Variants in CDH22 observed in about 807,000 individuals in gnomAD.
CDH22 encodes cadherin-22.
Under a neutral mutation model 58.4 loss-of-function variants are expected in CDH22, and 30 were observed. The ratio of observed to expected loss-of-function variants is 0.51; its 90% confidence interval spans 0.38 to 0.70. The LOEUF is 0.70. Among genes scored for constraint, CDH22 ranks in the 30% least tolerant of loss-of-function variants. CDH22 has a pLI of 0.00. For missense variants in CDH22, 1,014 were observed against 1,233.9 expected, an observed-to-expected ratio of 0.82 and a Z score of 2.67; for synonymous variants, 513 against 558.2, an observed-to-expected ratio of 0.92 and a Z score of 1.14.
intron 2 of CDH22, among the ~76,000 whole-genome samples, chr20:46,250,661 G>T (rs1183467189): frequency 1.3e-5 from 2 of 152,228 alleles, no homozygotes; most frequent in African/African-American, 4.8e-5. Context: ...GTAGTCAATG[G>T]ATAGAATCTG....
Position 46,251,072 on chromosome 20 carries a change from A to G in CDH22, c.223T>C (p.Tyr75His). 1 of 1,611,504 alleles carries G rather than the reference A, an allele frequency of 6.2e-7. No homozygotes were observed. Among genetic ancestry groups the G allele is most frequent in the Non-Finnish European group, 8.5e-7 (1 of 1,178,724 alleles). The change falls in exon 2 of 12, where the codon TAC (tyrosine) becomes CAC (histidine). Residue 75 changes from tyrosine to histidine, a missense_variant. Physicochemically the swap from Tyr to His is moderately conservative, Grantham distance 83. Around this residue, in one of 2 missense-constraint regions of CDH22, gnomAD observed 806 missense variants for 1,038.7 expected, o/e 0.78. Transcript: ENST00000537909. The surrounding 1 kb of genome is among the most constrained non-coding windows in gnomAD (Gnocchi z 6.7). ...VWNQFFVVEEYTGTEPLYVGK... is the reference protein window; with the variant it reads ...VWNQFFVVEEHTGTEPLYVGK... ...ACATACAGGGGCTCCGTGCCCGTGT[A>G]CTCCTCTACCACGAAGAACTGGTTC...
chr20:46,307,492 CCTTCTTCCCCA>C (rs1427639828), intron 1 of CDH22, among the ~76,000 whole-genome samples: 2 of 152,218 alleles, frequency 1.3e-5, no homozygotes, highest in African/African-American at 4.8e-5. Flanking sequence ...GGGGCCCCGT[CCTTCTTCCCCA>C]GCGGGGACGG....
intron 3 of CDH22, among the ~76,000 whole-genome samples, chr20:46,233,567 G>C (rs933037601): frequency 6.6e-5 from 10 of 152,224 alleles, no homozygotes; most frequent in Non-Finnish European, 7.3e-5. Context: ...CTATGTGCTA[G>C]ACCCTCGAGG....
chr20:46,211,163 G>C (rs1337677156), intron 6 of CDH22, among the ~76,000 whole-genome samples: 1 of 152,220 alleles, frequency 6.6e-6, no homozygotes, highest in Non-Finnish European at 1.5e-5. Flanking sequence ...CTTATCGGGG[G>C]GTGCTAATGG....
rs150453083 is a variant in CDH22, at chr20:46,241,634, G to T, written c.256-377C>A. Reference sequence around the variant, plus strand: ...TAGCACGCACAGCTCTGAGGCTTCTGCCTTGAGCCCTGTCCTTGTTTCTCT... The same window carrying T: ...TAGCACGCACAGCTCTGAGGCTTCTTCCTTGAGCCCTGTCCTTGTTTCTCT... On this transcript the variant is annotated intron_variant, in intron 2 of 11. Coordinates refer to ENST00000537909, the MANE Select transcript of CDH22 (RefSeq NM_021248.3). This position sits in a 1 kb window ranked among gnomAD's most constrained non-coding sequence, Gnocchi z 5.2. Among the ~76,000 whole-genome samples the T allele has an allele frequency of 1.1e-3, 175 of 152,294 alleles. 2 individuals are homozygous for T. Among genetic ancestry groups the T allele is most frequent in the African/African-American group, 4.1e-3 (171 of 41,568 alleles).
At chr20:46,178,584 G>GTTTTTTTTTTTTTTTTT (rs2085759363) in intron 10 of CDH22, among the ~76,000 whole-genome samples, 2 of 76,182 alleles carry the variant, frequency 2.6e-5, no homozygotes, top group African/African-American at 5.8e-5. Flanking sequence ...CCCTGGCGTT[G>GTTTTTTTTTTTTTTTTT]TCTTTTTTTT....
intron 7 of CDH22, among the ~76,000 whole-genome samples, chr20:46,207,592 C>T (rs8116311): frequency 0.11 from 16,902 of 152,128 alleles, 1,834 homozygotes; most frequent in African/African-American, 0.28. Flanking sequence ...GCATTGGCAG[C>T]GAGTGTAGTG....
In CDH22 at chr20:46,301,716, G is replaced by A. The variant is rs975070543; in HGVS notation, c.-400+6539C>T. On this transcript the variant is annotated intron_variant, in intron 1 of 11. Transcript: ENST00000537909. ...ATCCCAGCTACTCGGGAGGCTGAGG[G>A]AGGAGAATTGCTTGAACCCGGGAGG... 2.6e-5 allele frequency among the ~76,000 whole-genome samples: 4 copies of A among 152,010 alleles called. No individual in the cohort carries two copies. The South Asian group carries it at 8.3e-4, about 32-fold the overall frequency.
intron 6 of CDH22, among the ~76,000 whole-genome samples, chr20:46,211,716 CCTCCAATT>C (rs1305354890): frequency 1.3e-5 from 2 of 152,060 alleles, no homozygotes; most frequent in Non-Finnish European, 1.5e-5. Flanking sequence ...TTTCTCTGGG[CCTCCAATT>C]CTCCATCTGT....
intron 4 of CDH22, chr20:46,220,283 A>G (rs2086114288): frequency 1.3e-5 from 2 of 152,370 alleles, no homozygotes; most frequent in Non-Finnish European, 2.9e-5. Context: ...AGAGAAACAA[A>G]GAGGAAGAGA....
chr20:46,174,388 C>G lies in CDH22; in HGVS notation c.*118G>C. ...CTAGCAAGTCCCCCCTCCGTCCAGC[C>G]GCCAAGGGAGGGTTGGGGGAGGGCA... On this transcript the variant is annotated 3_prime_UTR_variant, in exon 12 of 12. Coordinates refer to ENST00000537909, the MANE Select transcript of CDH22 (RefSeq NM_021248.3). The surrounding 1 kb of genome is among the most constrained non-coding windows in gnomAD (Gnocchi z 4.4). 1.5e-6 allele frequency: 1 copy of G among 688,916 alleles called. No homozygotes were observed. Among genetic ancestry groups the G allele is most frequent in the South Asian group, 2.1e-5 (1 of 46,702 alleles). The allele number at this position is 688,916 out of a possible 1,614,324, so 42.7% of individuals were successfully genotyped here. A position where few individuals can be genotyped will look rare whatever the true frequency, so the allele number is the denominator to read the frequency against.
intron 4 of CDH22, among the ~76,000 whole-genome samples, chr20:46,218,008 C>A (rs1055241993): frequency 6.6e-6 from 1 of 151,844 alleles, no homozygotes; most frequent in African/African-American, 2.4e-5. Flanking sequence ...CTCACTGCAA[C>A]CTCCTCCCGG....
Position 46,210,734 on chromosome 20 carries a change from C to T in CDH22, c.1033-174G>A, listed in dbSNP as rs985510880. ...TGACCCAGACCAACCCGGTGGGTTA[C>T]GGGTGGAGAAACTGAGGATCCTCGA... is the stretch of plus-strand genomic sequence containing the variant. On this transcript the variant is annotated intron_variant, in intron 6 of 11. Coordinates refer to ENST00000537909, the MANE Select transcript of CDH22 (RefSeq NM_021248.3). The surrounding 1 kb of genome is among the most constrained non-coding windows in gnomAD (Gnocchi z 4.5). 6.6e-6 allele frequency among the ~76,000 whole-genome samples: 1 copy of T among 152,078 alleles called. No individual in the cohort carries two copies. The highest frequency in any genetic ancestry group is 2.4e-5 in the African/African-American group (1 of 41,412).
intron 1 of CDH22, among the ~76,000 whole-genome samples, chr20:46,292,702 C>T (rs1377749523): frequency 6.6e-6 from 1 of 152,186 alleles, no homozygotes; most frequent in African/African-American, 2.4e-5. Flanking sequence ...CAGAACTTCT[C>T]ATTGTGATCT....
intron 2 of CDH22, among the ~76,000 whole-genome samples, chr20:46,250,433 G>A (rs896453706): frequency 2.6e-5 from 4 of 152,202 alleles, no homozygotes; most frequent in African/African-American, 9.7e-5. Context: ...TGGGCAAGAA[G>A]GGTTTCTCTG....
At chr20:46,259,452 C>T (rs2086421379) in intron 1 of CDH22, among the ~76,000 whole-genome samples, 2 of 152,194 alleles carry the variant, frequency 1.3e-5, no homozygotes. Context: ...TGAAGACCTA[C>T]TATGTGCCAC....
At chr20:46,263,957 G>A (rs1005039509) in intron 1 of CDH22, among the ~76,000 whole-genome samples, 2 of 152,128 alleles carry the variant, frequency 1.3e-5, no homozygotes, top group Non-Finnish European at 2.9e-5. Flanking sequence ...GTGGTGGCTC[G>A]GACCAGGGAG....
chr20:46,269,105 G>A (rs530887690), intron 1 of CDH22, among the ~76,000 whole-genome samples: 1 of 152,306 alleles, frequency 6.6e-6, no homozygotes, highest in Non-Finnish European at 1.5e-5. Flanking sequence ...TTTTGACACT[G>A]ACTGCCCTCT....
rs930553589 is a variant in CDH22, at chr20:46,251,480, C to G, written c.-186G>C. On this transcript the variant is annotated 5_prime_UTR_variant, in exon 2 of 12. Coordinates refer to ENST00000537909, the MANE Select transcript of CDH22 (RefSeq NM_021248.3). This position sits in a 1 kb window ranked among gnomAD's most constrained non-coding sequence, Gnocchi z 6.7. ...AACGCCGCCCAGCCGCGGGGGTACC[C>G]GGCTGGAGGGGGAGGGGGCGCGGCC... is the stretch of plus-strand genomic sequence containing the variant. 6.3e-5 allele frequency: 36 copies of G among 568,992 alleles called. No individual in the cohort carries two copies. Among genetic ancestry groups the G allele is most frequent in the Non-Finnish European group, 8.8e-5 (34 of 384,408 alleles). 35.2% of individuals were successfully genotyped at this position (568,992 alleles called of 1,614,324 possible).
Sources: allele counts gnomAD v4.1 joint callset (sites outside exome capture counted in the v4.1 genomes callset), GRCh38; gene constraint gnomAD v4.1.1; regional missense constraint gnomAD v4.1.1; non-coding constraint Gnocchi (gnomAD v3.1); transcripts MANE v1.5; gene names NCBI Gene and HGNC (gene_info 2026-07-23, HGNC 2026-07-21).